FAT4: variants seen among roughly 807,000 people sequenced by gnomAD.
The protein encoded by FAT4 is FAT atypical cadherin 4.
In FAT4, 84 loss-of-function variants were observed where a neutral mutation model predicts 303.9. That is an observed-to-expected ratio of 0.28 (90% confidence interval 0.23 to 0.33). FAT4 has a LOEUF of 0.33. Among genes scored for constraint, FAT4 ranks in the 10% least tolerant of loss-of-function variants. FAT4 has a pLI of 1.00. For missense variants in FAT4, 6,005 were observed against 6,146.8 expected, an observed-to-expected ratio of 0.98 and a Z score of 0.77; for synonymous variants, 2,307 against 2,298.8, an observed-to-expected ratio of 1.00 and a Z score of -0.10.
intron 16 of FAT4, among the ~76,000 whole-genome samples, 162 bp downstream of exon 16, chr4:125,481,900 G>T (rs548339216): frequency 7.2e-5 from 11 of 152,226 alleles, no homozygotes; most frequent in Admixed American, 4.6e-4. Context: ...TATTCCCCAG[G>T]CATTGGCCAG....
rs371858685 is a variant in FAT4, at chr4:125,321,010, C to T, written c.4599C>T (p.Asn1533=). 5.5e-5 allele frequency: 88 copies of T among 1,614,148 alleles called. No homozygotes were observed. Among genetic ancestry groups the T allele is most frequent in the African/African-American group, 4.7e-4 (35 of 75,034 alleles). ...NDNVPMFISQ[N]ALAADPSAVI... is the part of the protein sequence containing the mutation. ...ATGTCCCAATGTTTATATCACAAAACGCCCTTGCTGCAGACCCATCAGCTG... is the reference window on the plus strand; with the variant it reads ...ATGTCCCAATGTTTATATCACAAAATGCCCTTGCTGCAGACCCATCAGCTG... The change falls in exon 2 of 18, where the codon AAC becomes AAT. Residue 1533 remains asparagine (N), a synonymous_variant. Transcript: ENST00000394329.
At chr4:125,372,649 A>G (rs1733166404) in intron 2 of FAT4, among the ~76,000 whole-genome samples, 3 of 152,270 alleles carry the variant, frequency 2.0e-5, no homozygotes, top group South Asian at 4.1e-4. Context: ...ACGTGGCACA[A>G]TGATTCATGA....
chr4:125,469,657 T>A (rs1463911106), intron 12 of FAT4, among the ~76,000 whole-genome samples: 1 of 152,202 alleles, frequency 6.6e-6, no homozygotes, highest in Non-Finnish European at 1.5e-5. Flanking sequence ...CCTTTCATGT[T>A]TGTTTTGCAA....
chr4:125,319,606 A>G lies in FAT4; in HGVS notation c.3195A>G (p.Arg1065=), dbSNP rs766118548. The change falls in exon 2 of 18, where the codon AGA becomes AGG. Residue 1065 remains arginine (R), a synonymous_variant. Coordinates refer to ENST00000394329, the MANE Select transcript of FAT4 (RefSeq NM_001291303.3). The part of the protein sequence containing the change: ...KSELDRELQD[R]YVLMVVASDR... ...AACTGGACCGTGAACTTCAAGACAG[A>G]TATGTTTTAATGGTTGTTGCTTCTG... 4 of 1,613,830 alleles carry G rather than the reference A, an allele frequency of 2.5e-6. No individual in the cohort carries two copies. In the African/African-American group the frequency reaches 5.3e-5, roughly 22 times the overall value.
At chr4:125,439,821 TC>T (rs1725590939) in intron 8 of FAT4, among the ~76,000 whole-genome samples, 1 of 152,194 alleles carries the variant, frequency 6.6e-6, no homozygotes, top group Admixed American at 6.5e-5. Flanking sequence ...GCTCAGAATT[TC>T]TGTTGAATTC....
At chr4:125,357,112 T>G (rs1391964572) in intron 2 of FAT4, among the ~76,000 whole-genome samples, 1 of 152,068 alleles carries the variant, frequency 6.6e-6, no homozygotes, top group East Asian at 1.9e-4. Context: ...TCCATATGTA[T>G]AAAACAATAT....
intron 12 of FAT4, among the ~76,000 whole-genome samples, chr4:125,472,786 A>G (rs1040667074): frequency 3.3e-4 from 50 of 152,198 alleles, no homozygotes; most frequent in African/African-American, 1.1e-3. Context: ...AATATAACCA[A>G]TTGATTGTGT....
At chr4:125,390,693 A>G (rs770866293) in intron 2 of FAT4, among the ~76,000 whole-genome samples, 1 of 152,196 alleles carries the variant, frequency 6.6e-6, no homozygotes, top group Non-Finnish European at 1.5e-5. Context: ...ACACATTTGA[A>G]TGAGCTCAGT....
chr4:125,356,637 C>G (rs935735263), intron 2 of FAT4, among the ~76,000 whole-genome samples: 2 of 145,640 alleles, frequency 1.4e-5, no homozygotes, highest in Admixed American at 1.4e-4. Context: ...TAAAAAGTGA[C>G]AATATTACAG....
chr4:125,404,391 G>A (rs762752170), intron 3 of FAT4, among the ~76,000 whole-genome samples: 7 of 151,980 alleles, frequency 4.6e-5, no homozygotes, highest in Non-Finnish European at 8.8e-5. Context: ...GCAAAGTTGT[G>A]TTATATTTGA....
chr4:125,463,720 T>G, intron 11 of FAT4, 53 bp downstream of exon 11: 1 of 1,284,536 alleles, frequency 7.8e-7, no homozygotes, highest in Non-Finnish European at 1.1e-6. Flanking sequence ...TTGCACACAG[T>G]TTAGCAATTT....
chr4:125,468,056 C>A (rs529747632), intron 11 of FAT4, among the ~76,000 whole-genome samples: 1 of 151,884 alleles, frequency 6.6e-6, no homozygotes, highest in Non-Finnish European at 1.5e-5. Context: ...CCCAGCTTCT[C>A]GGGAAGCTGA....
chr4:125,387,140 G>T (rs1002085455), intron 2 of FAT4, among the ~76,000 whole-genome samples: 1 of 152,114 alleles, frequency 6.6e-6, no homozygotes, highest in African/African-American at 2.4e-5. Context: ...TTCCTAACAG[G>T]CCACAAACCA....
intron 8 of FAT4, among the ~76,000 whole-genome samples, chr4:125,440,608 T>A (rs373677987): frequency 0.075 from 4,220 of 56,478 alleles, 110 homozygotes; most frequent in South Asian, 0.18. Context: ...TGTGTGTGTG[T>A]GTGAGAGAGA....
intron 2 of FAT4, among the ~76,000 whole-genome samples, chr4:125,359,716 A>T (rs1732578016): frequency 6.6e-6 from 1 of 152,172 alleles, no homozygotes; most frequent in South Asian, 2.1e-4. Context: ...TTCAGAAGAA[A>T]ATCGTACTTT....
Position 125,490,626 on chromosome 4 carries a change from T to C in FAT4, c.13810T>C (p.Ser4604Pro). The change falls in exon 18 of 18, where the codon TCA becomes CCA. Residue 4604 changes from serine to proline, a missense_variant. Physicochemically the swap from Ser to Pro is moderately conservative, Grantham distance 74 (BLOSUM62 -1). Coordinates refer to ENST00000394329, the MANE Select transcript of FAT4 (RefSeq NM_001291303.3). ...IYDETDIPHNSETIPSAPLAS... is the reference protein window; with the variant it reads ...IYDETDIPHNPETIPSAPLAS... ...TGATGAAACTGATATTCCTCACAAC[T>C]CAGAAACCATCCCCAGCGCCCCTTT... 2.5e-6 allele frequency: 4 copies of C among 1,613,992 alleles called. No individual in the cohort carries two copies. Among genetic ancestry groups the C allele is most frequent in the Non-Finnish European group, 3.4e-6 (4 of 1,180,000 alleles).
At chr4:125,403,683 C>T (rs1734475668) in intron 3 of FAT4, among the ~76,000 whole-genome samples, 2 of 152,082 alleles carry the variant, frequency 1.3e-5, no homozygotes, top group Non-Finnish European at 2.9e-5. Flanking sequence ...ATTTCACTTC[C>T]TATTTATCCT....
intron 2 of FAT4, among the ~76,000 whole-genome samples, chr4:125,324,111 T>C (rs939327031): frequency 2.0e-5 from 3 of 152,178 alleles, no homozygotes; most frequent in Non-Finnish European, 4.4e-5. Context: ...CATTGAAAGA[T>C]TGTGTTTGGG....
intron 15 of FAT4, 116 bp from the exon 16 acceptor site, chr4:125,481,405 A>G: frequency 1.2e-6 from 1 of 801,920 alleles, no homozygotes; most frequent in Non-Finnish European, 2.0e-6. Flanking sequence ...GTTGGGGGAC[A>G]TTAATTCCCA....
Sources: gnomAD v4.1 joint callset for allele counts (sites outside exome capture counted in the v4.1 genomes callset) on GRCh38, gnomAD v4.1.1 for gene constraint, MANE v1.5 for transcripts, NCBI Gene and HGNC (gene_info 2026-07-23, HGNC 2026-07-21) for gene names.